Variants in KCNB2 observed in about 807,000 individuals in gnomAD.
The protein encoded by KCNB2 is delayed rectifier potassium channel protein.
In KCNB2, 15 loss-of-function variants were observed where a neutral mutation model predicts 61.5. The observed-to-expected ratio is 0.24, with a 90% CI of 0.16 to 0.38. KCNB2 has a LOEUF of 0.38. Among genes scored for constraint, KCNB2 ranks in the 10% least tolerant of loss-of-function variants. The pLI is 1.00. For synonymous variants in KCNB2, 457 were observed against 446.0 expected (o/e 1.02, Z -0.31); for missense variants, 828 against 1,125.2 (o/e 0.74, Z 3.78).
chr8:72,762,091 C>T (rs924611224), intron 2 of KCNB2, among the ~76,000 whole-genome samples: 8 of 152,160 alleles, frequency 5.3e-5, no homozygotes, highest in Non-Finnish European at 1.2e-4. Flanking sequence ...GTACTACCTG[C>T]CAATGAGTTC....
chr8:72,803,368 TA>T (rs1809162083), intron 2 of KCNB2, among the ~76,000 whole-genome samples: 1 of 152,182 alleles, frequency 6.6e-6, no homozygotes, highest in Admixed American at 6.5e-5. Flanking sequence ...ATCTCACCAA[TA>T]TGTTCCCAAA....
intron 2 of KCNB2, among the ~76,000 whole-genome samples, chr8:72,899,379 C>T (rs1357443782): frequency 6.6e-6 from 1 of 152,142 alleles, no homozygotes; most frequent in Non-Finnish European, 1.5e-5. Flanking sequence ...AAGTCCTAGC[C>T]AGAGCAATCA....
intron 2 of KCNB2, among the ~76,000 whole-genome samples, chr8:72,907,859 G>C (rs13262045): frequency 0.59 from 89,513 of 151,900 alleles, 27,698 homozygotes; most frequent in Middle Eastern, 0.7. Flanking sequence ...TATATAATAA[G>C]TTTTACAACC....
chr8:72,544,616 G>A (rs1806233693), intron 1 of KCNB2, among the ~76,000 whole-genome samples: 1 of 152,198 alleles, frequency 6.6e-6, no homozygotes, highest in Non-Finnish European at 1.5e-5. Flanking sequence ...GGGTCTCCAA[G>A]TCTTCCACCT....
chr8:72,898,359 G>A (rs1046899616), intron 2 of KCNB2, among the ~76,000 whole-genome samples: 4 of 151,918 alleles, frequency 2.6e-5, no homozygotes, highest in African/African-American at 9.7e-5. Flanking sequence ...GAATTAATGG[G>A]TGCAGCACAC....
rs1024660252 is a variant in KCNB2, at chr8:72,729,025, A to G, written c.579+160712A>G. Among the ~76,000 whole-genome samples the G allele has an allele frequency of 2.0e-5, 3 of 152,190 alleles. No individual in the cohort carries two copies. In the East Asian group the frequency reaches 5.8e-4, roughly 29 times the overall value. ...TCTTTCACAGTTAACAAAAACTGAG[A>G]GATAAACCTGTGTCCTGGCAATTAA... is the stretch of plus-strand genomic sequence containing the variant. On this transcript the variant is annotated intron_variant, in intron 2 of 2. Coordinates refer to ENST00000523207, the MANE Select transcript of KCNB2 (RefSeq NM_004770.3).
chr8:72,554,058 TA>T (rs1321144735), intron 1 of KCNB2, among the ~76,000 whole-genome samples: 1 of 152,132 alleles, frequency 6.6e-6, no homozygotes, highest in Non-Finnish European at 1.5e-5. Flanking sequence ...TCTCTTCTTT[TA>T]CAGCAATACA....
chr8:72,778,770 AAGAAAG>A (rs1808706032), intron 2 of KCNB2, among the ~76,000 whole-genome samples: 3 of 146,028 alleles, frequency 2.1e-5, no homozygotes, highest in African/African-American at 7.5e-5. Context: ...AAAAGAAAGA[AAGAAAG>A]AAAAAGAAAA....
intron 2 of KCNB2, among the ~76,000 whole-genome samples, chr8:72,892,963 A>T (rs1563415580): frequency 6.6e-6 from 1 of 152,184 alleles, no homozygotes; most frequent in African/African-American, 2.4e-5. Context: ...GTGTCAGCTG[A>T]TCAACCCTTG....
At position 72,781,755 on chromosome 8, in the gene KCNB2, A is replaced by G. The variant is rs182632367; in HGVS notation, c.580-154180A>G. Among the ~76,000 whole-genome samples the G allele has an allele frequency of 1.7e-3, 254 of 152,222 alleles. 1 individual carries two copies. Among genetic ancestry groups the G allele is most frequent in the Non-Finnish European group, 2.5e-3 (171 of 67,990 alleles). The stretch of plus-strand genomic sequence containing the variant: ...TTTTCTAATTTTGTGATGAATGTCA[A>G]TGGTAGCATGGAATACTATGCAGCC... On this transcript the variant is annotated intron_variant, in intron 2 of 2. Transcript: ENST00000523207.
At chr8:72,546,799 T>A (rs1408223645) in intron 1 of KCNB2, among the ~76,000 whole-genome samples, 1 of 150,890 alleles carries the variant, frequency 6.6e-6, no homozygotes, top group East Asian at 1.9e-4. Context: ...ACCTGGATAA[T>A]TTTTTTATTG....
At chr8:72,861,677 G>T (rs191105823) in intron 2 of KCNB2, among the ~76,000 whole-genome samples, 180 of 152,286 alleles carry the variant, frequency 1.2e-3, no homozygotes, top group African/African-American at 3.7e-3. Context: ...CCTGCCAAAA[G>T]GAAATTCTCA....
At chr8:72,588,151 G>A (rs142783741) in intron 2 of KCNB2, among the ~76,000 whole-genome samples, 7 of 150,414 alleles carry the variant, frequency 4.7e-5, no homozygotes, top group African/African-American at 7.3e-5. Context: ...ACATTTTAGA[G>A]TTTTTGATTT....
intron 2 of KCNB2, among the ~76,000 whole-genome samples, chr8:72,860,557 T>C (rs1003221322): frequency 6.6e-6 from 1 of 152,210 alleles, no homozygotes; most frequent in Non-Finnish European, 1.5e-5. Context: ...GTCCTTCAAA[T>C]AAACCATTGG....
At chr8:72,542,649 A>G (rs936610560) in intron 1 of KCNB2, among the ~76,000 whole-genome samples, 1 of 152,166 alleles carries the variant, frequency 6.6e-6, no homozygotes, top group African/African-American at 2.4e-5. Flanking sequence ...AGGTGAATGC[A>G]GTACTGCCTA....
intron 2 of KCNB2, among the ~76,000 whole-genome samples, chr8:72,573,898 T>A (rs909313873): frequency 3.3e-5 from 5 of 152,252 alleles, no homozygotes; most frequent in Non-Finnish European, 7.3e-5. Context: ...GTTTACCATT[T>A]TCCTTTCTTT....
At chr8:72,868,683 C>T (rs1805571053) in intron 2 of KCNB2, among the ~76,000 whole-genome samples, 1 of 152,098 alleles carries the variant, frequency 6.6e-6, no homozygotes, top group Admixed American at 6.5e-5. Flanking sequence ...TTTAAGTGAA[C>T]ATTTTTATAA....
chr8:72,682,594 A>T (rs13281438), intron 2 of KCNB2, among the ~76,000 whole-genome samples: 58,643 of 136,320 alleles, frequency 0.43, 13,173 homozygotes, highest in Non-Finnish European at 0.55. Flanking sequence ...AGTTGAATTT[A>T]AAAAAAAAAA....
chr8:72,717,186 T>G (rs1191090462), intron 2 of KCNB2, among the ~76,000 whole-genome samples: 1 of 152,180 alleles, frequency 6.6e-6, no homozygotes, highest in Non-Finnish European at 1.5e-5. Context: ...TGGAAGAACA[T>G]TCCATGCTCA....
Sources: allele counts gnomAD v4.1 joint callset (sites outside exome capture counted in the v4.1 genomes callset), GRCh38; gene constraint gnomAD v4.1.1; transcripts MANE v1.5; gene names NCBI Gene and HGNC (gene_info 2026-07-23, HGNC 2026-07-21).